The following ERP29 variants were observed in gnomAD, a reference collection of about 807,000 sequenced individuals.
ERP29 encodes the protein endoplasmic reticulum protein 29, also known as endoplasmic reticulum resident protein 29.
In ERP29, 14 loss-of-function variants were observed where a neutral mutation model predicts 21.7. That is an observed-to-expected ratio of 0.64 (90% CI 0.43 to 1.01). The LOEUF is 1.01. Among genes scored for constraint, ERP29 ranks in the 50% least tolerant of loss-of-function variants. The pLI is 0.00. For missense variants in ERP29, 286 were observed against 327.3 expected, an observed-to-expected ratio of 0.87 and a Z score of 0.97; for synonymous variants, 129 against 139.1, an observed-to-expected ratio of 0.93 and a Z score of 0.51.
intron 1 of ERP29, among the ~76,000 whole-genome samples, chr12:112,016,787 A>G (rs2078015288): frequency 6.6e-6 from 1 of 152,138 alleles, no homozygotes; most frequent in Non-Finnish European, 1.5e-5. Context: ...GCTACTTGGG[A>G]GGCTGAGGCA....
At chr12:112,016,088 A>G (rs1257169998) in intron 1 of ERP29, among the ~76,000 whole-genome samples, 1 of 152,198 alleles carries the variant, frequency 6.6e-6, no homozygotes, top group African/African-American at 2.4e-5. Flanking sequence ...CTATTTTGCC[A>G]TCTTTCTCTC....
At chr12:112,016,840 A>G (rs1416893000) in intron 1 of ERP29, among the ~76,000 whole-genome samples, 1 of 152,132 alleles carries the variant, frequency 6.6e-6, no homozygotes, top group Non-Finnish European at 1.5e-5. Flanking sequence ...CAGAGAGCTG[A>G]GATGGCACCA....
At chr12:112,019,349 T>G in intron 1 of ERP29, 1 of 265,098 alleles carries the variant, frequency 3.8e-6, no homozygotes, top group Non-Finnish European at 7.5e-6. Context: ...TGTAGGTAGG[T>G]TTGTTTATTT....
chr12:112,013,792 T>C (rs538406095), intron 1 of ERP29, among the ~76,000 whole-genome samples, 183 bp downstream of exon 1: 3 of 152,366 alleles, frequency 2.0e-5, no homozygotes, highest in Admixed American at 2.0e-4. Context: ...CCACCGGGCA[T>C]GCACGCTTCA....
At chr12:112,022,043 C>G in intron 2 of ERP29, 107 bp from the exon 3 acceptor site, 3 of 1,146,152 alleles carry the variant, frequency 2.6e-6, no homozygotes, top group Non-Finnish European at 3.8e-6. Context: ...TGAACCATTA[C>G]ACGGCCAAGA....
rs2077961374 is a variant in ERP29 at position 112,013,674 on chromosome 12, G to C, written c.144+65G>C. 1.6e-5 allele frequency: 23 copies of C among 1,457,472 alleles called. No individual in the cohort carries two copies. The South Asian group carries it at 2.9e-4, about 18-fold the overall frequency. The allele number at this position is 1,457,472 out of a possible 1,614,324, so 90.3% of individuals were successfully genotyped here. The stretch of plus-strand genomic sequence containing the variant: ...GGCGCCCGGAAGAGCGCGCGCCCGT[G>C]GGGAGACGCTGGATTCCGGGAGCTG... On this transcript the variant is annotated intron_variant, in intron 1 of 2. Transcript: ENST00000261735.
chr12:112,019,482 G>C, intron 1 of ERP29: 1 of 463,754 alleles, frequency 2.2e-6, no homozygotes, highest in South Asian at 2.1e-5. Context: ...GAAGGAGAAG[G>C]CCTTAGTATG....
intron 1 of ERP29, among the ~76,000 whole-genome samples, chr12:112,017,580 A>G (rs2078019126): frequency 6.6e-6 from 1 of 152,054 alleles, no homozygotes. Context: ...GGCCAGAGGG[A>G]TGTGATCTTA....
intron 2 of ERP29, among the ~76,000 whole-genome samples, chr12:112,020,387 A>C (rs925975494): frequency 2.6e-5 from 4 of 152,206 alleles, no homozygotes; most frequent in African/African-American, 7.2e-5. Flanking sequence ...AGTGGCTGAC[A>C]GGGTAAAGAT....
At position 112,017,969 on chromosome 12, in the gene ERP29, G is replaced by A. The variant is rs184448595; in HGVS notation, c.145-1787G>A. Reference sequence around the variant, plus strand: ...CCAGCTAATTTTTGTATTTTTAGTAGAGATAGGGTTTCACCACGTTGGCCA... The same window carrying A: ...CCAGCTAATTTTTGTATTTTTAGTAAAGATAGGGTTTCACCACGTTGGCCA... On this transcript the variant is annotated intron_variant, in intron 1 of 2. Transcript: ENST00000261735. 2.0e-3 allele frequency among the ~76,000 whole-genome samples: 301 copies of A among 151,814 alleles called. 1 individual carries two copies. Among genetic ancestry groups the A allele is most frequent in the African/African-American group, 7.1e-3 (295 of 41,380 alleles).
chr12:112,019,243 C>A, intron 1 of ERP29: 1 of 187,424 alleles, frequency 5.3e-6, no homozygotes, highest in Admixed American at 5.5e-5. Context: ...AGACATTGTC[C>A]CAAGCCTGGC....
intron 2 of ERP29, among the ~76,000 whole-genome samples, chr12:112,021,785 C>G (rs1788678919): frequency 6.6e-6 from 1 of 152,016 alleles, no homozygotes. Context: ...CTCGGCCTCC[C>G]AAAGTGCTGG....
At position 112,022,761 on chromosome 12, in the gene ERP29, C is replaced by A; in HGVS notation, c.*109C>A. ...TAAGGGGGTAGTGGGAAAAGTGGTA[C>A]TAACCCACGATTCTGAGCCCTGAGT... On this transcript the variant is annotated 3_prime_UTR_variant, in exon 3 of 3. Transcript: ENST00000261735. 8.8e-7 allele frequency: 1 copy of A among 1,134,430 alleles called. No individual in the cohort carries two copies. Among genetic ancestry groups the A allele is most frequent in the Non-Finnish European group, 1.2e-6 (1 of 802,724 alleles). 70.3% of individuals were successfully genotyped at this position (1,134,430 alleles called of 1,614,324 possible).
In ERP29 at chr12:112,022,241, C is replaced by CT. The variant is rs1227690654; in HGVS notation, c.378dup (p.Glu127Ter). The CT allele has an allele frequency of 1.2e-6, 2 of 1,613,772 alleles. No homozygotes were observed. The highest frequency in any genetic ancestry group is 1.7e-5 in the Admixed American group (1 of 59,966). On this transcript the variant is annotated frameshift_variant, in exon 3 of 3. Transcript: ENST00000261735. LOFTEE classifies it high-confidence loss of function. ...TCTTCTACCTCTTCCGGGATGGGGA[C>CT]TTTGAGAACCCAGTCCCATACACTG...
chr12:112,021,515 CTTT>C (rs1164185865), intron 2 of ERP29, among the ~76,000 whole-genome samples: 3 of 70,042 alleles, frequency 4.3e-5, no homozygotes, highest in East Asian at 7.9e-4. Flanking sequence ...GCTTAATAGT[CTTT>C]TTTTTTTTTT....
Position 112,013,985 on chromosome 12 carries a change from C to T in ERP29, c.144+376C>T, listed in dbSNP as rs1189672565. On this transcript the variant is annotated intron_variant, in intron 1 of 2. Coordinates refer to ENST00000261735, the MANE Select transcript of ERP29 (RefSeq NM_006817.4). ...GCGGTGCGAGGTCGACGCCACCGGGCTCCCGGCTGTGGAAGCTGGGAGGGG... is the reference window on the plus strand; with the variant it reads ...GCGGTGCGAGGTCGACGCCACCGGGTTCCCGGCTGTGGAAGCTGGGAGGGG... Among the ~76,000 whole-genome samples, 3 of 152,254 alleles carry T rather than the reference C, an allele frequency of 2.0e-5. No individual in the cohort carries two copies. In the East Asian group the frequency reaches 5.8e-4, roughly 29 times the overall value.
Position 112,019,806 on chromosome 12 carries a change from C to T in ERP29, c.195C>T (p.Pro65=), listed in dbSNP as rs1378967086. 1.9e-6 allele frequency: 3 copies of T among 1,614,068 alleles called. No individual in the cohort carries two copies. The highest frequency in any genetic ancestry group is 3.3e-5 in the Admixed American group (2 of 60,022). The change falls in exon 2 of 3, where the codon CCC becomes CCT. Residue 65 remains proline, a synonymous_variant. Transcript: ENST00000261735. ...FVLVKFDTQY[P]YGEKQDEFKR... Reference sequence around the variant, plus strand: ...TGGTGAAGTTCGACACCCAGTACCCCTACGGTGAGAAGCAGGATGAGTTCA... The same window carrying T: ...TGGTGAAGTTCGACACCCAGTACCCTTACGGTGAGAAGCAGGATGAGTTCA...
chr12:112,016,623 A>G (rs191298974), intron 1 of ERP29, among the ~76,000 whole-genome samples: 10 of 152,340 alleles, frequency 6.6e-5, no homozygotes, highest in African/African-American at 2.4e-4. Flanking sequence ...TTCTAAAGCT[A>G]TCATTAAGAG....
rs1448007305 is a variant in ERP29 at position 112,013,597 on chromosome 12, C to T, written c.132C>T (p.Val44=). ...AGGGCGCCCTTCCCCTGGATACGGT[C>T]ACTTTCTACAAGGTAACCGGGGCGG... ...HTKGALPLDT[V]TFYKVIPKSK... is the part of the protein sequence containing the mutation. The change falls in exon 1 of 3, where the codon GTC becomes GTT. Residue 44 remains valine (V), a synonymous_variant. Coordinates refer to ENST00000261735, the MANE Select transcript of ERP29 (RefSeq NM_006817.4). 2 of 1,594,128 alleles carry T rather than the reference C, an allele frequency of 1.3e-6. No homozygotes were observed. The highest frequency in any genetic ancestry group is 1.7e-6 in the Non-Finnish European group (2 of 1,172,132).
Sources: gnomAD v4.1 joint callset for allele counts (sites outside exome capture counted in the v4.1 genomes callset) on GRCh38, gnomAD v4.1.1 for gene constraint, MANE v1.5 for transcripts, NCBI Gene and HGNC (gene_info 2026-07-23, HGNC 2026-07-21) for gene names.